The following CNBD1 variants were observed in gnomAD, a reference collection of about 807,000 sequenced individuals.
CNBD1 encodes cyclic nucleotide-binding domain-containing protein 1.
CNBD1 carries 71 observed loss-of-function variants against 54.4 expected under a neutral mutation model. The ratio of observed to expected loss-of-function variants is 1.30; its 90% CI spans 1.08 to 1.59. The LOEUF (loss-of-function observed/expected upper bound fraction) is 1.59, where lower values mean the gene tolerates loss of function less well. Among genes scored for constraint, CNBD1 ranks in the 40% most tolerant of loss-of-function variants. The pLI is 0.00. For synonymous variants in CNBD1, 182 were observed against 170.7 expected (o/e 1.07, Z -0.51); for missense variants, 659 against 518.0 (o/e 1.27, Z -2.64).
At chr8:86,941,308 TC>T (rs1809651606) in intron 4 of CNBD1, among the ~76,000 whole-genome samples, 1 of 152,184 alleles carries the variant, frequency 6.6e-6, no homozygotes, top group African/African-American at 2.4e-5. Flanking sequence ...CTCACTAAAT[TC>T]GTTAAAAATA....
At chr8:87,418,772 T>A (rs767840011) in intron 2 of CNBD1, among the ~76,000 whole-genome samples, 1 of 151,906 alleles carries the variant, frequency 6.6e-6, no homozygotes, top group African/African-American at 2.4e-5. Flanking sequence ...TTACATCCAA[T>A]AGGATATCAA....
At chr8:86,986,520 G>C (rs1808611417) in intron 4 of CNBD1, among the ~76,000 whole-genome samples, 1 of 151,934 alleles carries the variant, frequency 6.6e-6, no homozygotes, top group Non-Finnish European at 1.5e-5. Flanking sequence ...AATTTAATTA[G>C]GTTCCAGTTG....
chr8:86,912,300 G>T (rs1227955242), intron 3 of CNBD1, among the ~76,000 whole-genome samples: 6 of 152,124 alleles, frequency 3.9e-5, no homozygotes, highest in Non-Finnish European at 7.4e-5. Flanking sequence ...TCTAAAGGGT[G>T]CAGACCAAAA....
chr8:87,260,323 G>GT (rs890797764), intron 6 of CNBD1, among the ~76,000 whole-genome samples: 1 of 152,122 alleles, frequency 6.6e-6, no homozygotes, highest in African/African-American at 2.4e-5. Context: ...GACCTCATCA[G>GT]TTTTTTTGTT....
At chr8:87,062,347 T>A (rs1457948103) in intron 4 of CNBD1, among the ~76,000 whole-genome samples, 1 of 152,234 alleles carries the variant, frequency 6.6e-6, no homozygotes, top group African/African-American at 2.4e-5. Context: ...GTGAGCTTTG[T>A]CATCTTCCTA....
At chr8:86,998,512 C>T (rs1010984695) in intron 4 of CNBD1, among the ~76,000 whole-genome samples, 11 of 152,060 alleles carry the variant, frequency 7.2e-5, no homozygotes, top group African/African-American at 2.7e-4. Flanking sequence ...TTTTCAGCTT[C>T]AGCTGGGGTC....
intron 8 of CNBD1, among the ~76,000 whole-genome samples, chr8:87,345,608 A>G (rs574427245): frequency 1.3e-5 from 2 of 152,210 alleles, no homozygotes; most frequent in Non-Finnish European, 2.9e-5. Context: ...TATAATCAAC[A>G]ATAATTGTTC....
intron 8 of CNBD1, among the ~76,000 whole-genome samples, chr8:87,307,048 TTTG>T (rs1326096481): frequency 1.3e-5 from 2 of 152,036 alleles, no homozygotes; most frequent in Admixed American, 1.3e-4. Context: ...ATCGTAAAAA[TTTG>T]TTTTGTTTTT....
At chr8:86,915,479 G>T (rs559393253) in intron 3 of CNBD1, among the ~76,000 whole-genome samples, 1 of 152,290 alleles carries the variant, frequency 6.6e-6, no homozygotes, top group Non-Finnish European at 1.5e-5. Flanking sequence ...GAGTTTTGGG[G>T]AAGGGCTATT....
chr8:87,011,573 C>G (rs1353473758), intron 4 of CNBD1, among the ~76,000 whole-genome samples: 1 of 151,810 alleles, frequency 6.6e-6, no homozygotes, highest in Non-Finnish European at 1.5e-5. Flanking sequence ...AACATAAGTA[C>G]TTATTAAAAT....
At chr8:87,282,333 G>A (rs1199674974) in intron 6 of CNBD1, among the ~76,000 whole-genome samples, 1 of 151,446 alleles carries the variant, frequency 6.6e-6, no homozygotes, top group Non-Finnish European at 1.5e-5. Flanking sequence ...TATCAATAAT[G>A]CTATTTACAT....
chr8:86,891,310 T>A (rs191509698), intron 2 of CNBD1, among the ~76,000 whole-genome samples: 2 of 152,178 alleles, frequency 1.3e-5, no homozygotes, highest in Admixed American at 1.3e-4. Flanking sequence ...GCTGTGGATA[T>A]CCAGTTTTTT....
chr8:86,980,223 C>T (rs561759071), intron 4 of CNBD1, among the ~76,000 whole-genome samples: 1 of 152,242 alleles, frequency 6.6e-6, no homozygotes, highest in African/African-American at 2.4e-5. Flanking sequence ...TGAGTGTTTC[C>T]CAGACCTCCA....
chr8:87,326,138 C>G (rs1457859563), intron 8 of CNBD1, among the ~76,000 whole-genome samples: 5 of 132,034 alleles, frequency 3.8e-5, no homozygotes, highest in African/African-American at 1.4e-4. Context: ...GACCCCCACT[C>G]TCTTCTGGCT....
At chr8:87,089,668 T>G (rs1811167104) in intron 4 of CNBD1, among the ~76,000 whole-genome samples, 1 of 152,076 alleles carries the variant, frequency 6.6e-6, no homozygotes, top group Non-Finnish European at 1.5e-5. Context: ...TATAGAGTCA[T>G]AGGGGTGAGA....
At chr8:87,228,822 G>T (rs1438823970) in intron 5 of CNBD1, among the ~76,000 whole-genome samples, 1 of 152,138 alleles carries the variant, frequency 6.6e-6, no homozygotes, top group African/African-American at 2.4e-5. Context: ...GGGCAATGGC[G>T]GGCGCCCCTC....
chr8:87,372,175 G>A (rs963500738), intron 10 of CNBD1, among the ~76,000 whole-genome samples: 1 of 151,854 alleles, frequency 6.6e-6, no homozygotes, highest in Admixed American at 6.6e-5. Flanking sequence ...AAAATCACAA[G>A]CATTCTTATA....
chr8:87,265,227 A>T (rs979028065), intron 6 of CNBD1, among the ~76,000 whole-genome samples: 3 of 152,096 alleles, frequency 2.0e-5, no homozygotes, highest in Non-Finnish European at 4.4e-5. Flanking sequence ...ATGGCTAGCC[A>T]GTTTTCCCAG....
chr8:86,912,934 G>T (rs1265706835), intron 3 of CNBD1, among the ~76,000 whole-genome samples: 6 of 151,992 alleles, frequency 3.9e-5, no homozygotes, highest in African/African-American at 1.2e-4. Flanking sequence ...ACAACAAAAA[G>T]AGCTTAAAAA....
Sources: gnomAD v4.1 joint callset for allele counts (sites outside exome capture counted in the v4.1 genomes callset) on GRCh38, gnomAD v4.1.1 for gene constraint, MANE v1.5 for transcripts, NCBI Gene and HGNC (gene_info 2026-07-23, HGNC 2026-07-21) for gene names.